DNM1: variants seen among roughly 807,000 people sequenced by gnomAD.
DNM1 encodes dynamin-1.
A neutral mutation model predicts 104.6 loss-of-function variants in DNM1; 29 were observed. The observed-to-expected ratio is 0.28, with a 90% CI of 0.21 to 0.38. The LOEUF is 0.38. Ranked by LOEUF, DNM1 falls within the 10% of genes least tolerant of loss-of-function variation. The pLI is 1.00. For missense variants in DNM1, 640 were observed against 1,189.4 expected, an observed-to-expected ratio of 0.54 and a Z score of 6.79; for synonymous variants, 445 against 475.8, an observed-to-expected ratio of 0.94 and a Z score of 0.84.
At chr9:128,233,113 G>A (rs952197067) in intron 10 of DNM1, among the ~76,000 whole-genome samples, 4 of 152,248 alleles carry the variant, frequency 2.6e-5, no homozygotes, top group Admixed American at 1.3e-4. Context: ...ACTGAGCTGA[G>A]GGCACGATTC....
intron 10 of DNM1, among the ~76,000 whole-genome samples, chr9:128,231,036 C>G (rs1374709917): frequency 6.6e-6 from 1 of 152,028 alleles, no homozygotes; most frequent in African/African-American, 2.4e-5. Flanking sequence ...CTCCTGACCT[C>G]AAGTGATCTG....
chr9:128,204,503 T>G (rs1588300400), intron 1 of DNM1: 1 of 152,260 alleles, frequency 6.6e-6, no homozygotes, highest in Non-Finnish European at 1.5e-5. Context: ...GAGGCCTAGG[T>G]GGCGGAGAGA....
rs748627087 is a variant in DNM1 at position 128,219,012 on chromosome 9, C to T, written c.386-37C>T. 6.2e-6 allele frequency: 10 copies of T among 1,609,004 alleles called. No individual in the cohort carries two copies. The South Asian group carries it at 8.8e-5, about 14-fold the overall frequency. On this transcript the variant is annotated intron_variant, in intron 3 of 21. Coordinates refer to ENST00000372923, the MANE Select transcript of DNM1 (RefSeq NM_004408.4). ...CTTTAACCTCGCCCGCGGCCACGCC[C>T]CTCGCCTTGAGCCCGCCCTCTCGCC...
chr9:128,222,137 A>G lies in DNM1; in HGVS notation c.850-60A>G. On this transcript the variant is annotated intron_variant, in intron 6 of 21. Coordinates refer to ENST00000372923, the MANE Select transcript of DNM1 (RefSeq NM_004408.4). This position sits in a 1 kb window ranked among gnomAD's most constrained non-coding sequence, Gnocchi z 7.8. ...ACGTTCACACAGTCCCCTGGCATCC[A>G]AGTCCCTTCCTGGCCCTGTGACCAT... The G allele has an allele frequency of 6.4e-7, 1 of 1,556,950 alleles. No homozygotes were observed.
Position 128,218,563 on chromosome 9 carries a change from C to G in DNM1, c.236-19C>G. Reference sequence around the variant, plus strand: ...GACCTTGATGCCTACTGCCCTTCCCCTGCCCGCTTCTGGAGCAGAATATGC... The same window carrying G: ...GACCTTGATGCCTACTGCCCTTCCCGTGCCCGCTTCTGGAGCAGAATATGC... On this transcript the variant is annotated intron_variant, in intron 2 of 21. Transcript: ENST00000372923. This position sits in a 1 kb window ranked among gnomAD's most constrained non-coding sequence, Gnocchi z 4.8. 1 of 1,601,868 alleles carries G rather than the reference C, an allele frequency of 6.2e-7. No homozygotes were observed.
intron 15 of DNM1, among the ~76,000 whole-genome samples, chr9:128,244,142 A>G (rs1288787453): frequency 8.2e-5 from 12 of 147,042 alleles, no homozygotes; most frequent in African/African-American, 2.3e-4. Context: ...GTGTGTGGGG[A>G]GGGGGCTCTA....
At position 128,239,764 on chromosome 9, in the gene DNM1, G is replaced by C; in HGVS notation, c.1530G>C (p.Lys510Asn). 6.2e-7 allele frequency: 1 copy of C among 1,613,848 alleles called. No homozygotes were observed. Among genetic ancestry groups the C allele is most frequent in the Non-Finnish European group, 8.5e-7 (1 of 1,179,914 alleles). Residue 510 changes from lysine to asparagine, a missense_variant, in exon 13 of 22, where the codon AAG (lysine) becomes AAC (asparagine). Lys to Asn is a moderately conservative substitution (Grantham distance 94). This residue lies in a region of DNM1 where 91 missense variants were observed against 256.3 expected (regional missense o/e 0.36). Coordinates refer to ENST00000372923, the MANE Select transcript of DNM1 (RefSeq NM_004408.4). ...GGAGCAACCAGATGAACAAGAAGAA[G>C]ACTTCAGGGAACCAGGTGAGTGGGG... is the stretch of plus-strand genomic sequence containing the variant. The part of the protein sequence containing the change: ...QQRSNQMNKK[K>N]TSGNQDEILV...
intron 11 of DNM1, among the ~76,000 whole-genome samples, chr9:128,237,549 G>A (rs191213928): frequency 1.3e-5 from 2 of 151,138 alleles, no homozygotes; most frequent in African/African-American, 2.4e-5. Flanking sequence ...GATTACAGGC[G>A]TGAGCCACCC....
chr9:128,203,766 C>A lies in DNM1; in HGVS notation c.161+135C>A. On this transcript the variant is annotated intron_variant, in intron 1 of 21. Coordinates refer to ENST00000372923, the MANE Select transcript of DNM1 (RefSeq NM_004408.4). The surrounding 1 kb of genome is among the most constrained non-coding windows in gnomAD (Gnocchi z 5.3). ...CGGCCGGCGCGCCCCCCACCCCCAG[C>A]CGGAGCGAGGAGGCCCTCCCCCCAC... The A allele has an allele frequency of 1.2e-6, 1 of 815,186 alleles. No homozygotes were observed. The highest frequency in any genetic ancestry group is 1.6e-6 in the Non-Finnish European group (1 of 614,180). 50.5% of individuals were successfully genotyped at this position (815,186 alleles called of 1,614,324 possible).
In DNM1 at chr9:128,222,371, C is replaced by T. The variant is rs1267760063; in HGVS notation, c.992+32C>T. 6 of 1,608,488 alleles carry T rather than the reference C, an allele frequency of 3.7e-6. No homozygotes were observed. The highest frequency in any genetic ancestry group is 5.1e-6 in the Non-Finnish European group (6 of 1,176,112). ...CTCCCCCAGCTCCTATCACTGAATC[C>T]CCGCCCCCAGCCTCTCAGCGTGGGG... On this transcript the variant is annotated intron_variant, in intron 7 of 21. Coordinates refer to ENST00000372923, the MANE Select transcript of DNM1 (RefSeq NM_004408.4). This position sits in a 1 kb window ranked among gnomAD's most constrained non-coding sequence, Gnocchi z 7.8.
At position 128,247,539 on chromosome 9, in the gene DNM1, G is replaced by A. The variant is rs1836902212; in HGVS notation, c.1893+53G>A. 2.2e-6 allele frequency: 3 copies of A among 1,385,368 alleles called. No individual in the cohort carries two copies. Among genetic ancestry groups the A allele is most frequent in the Admixed American group, 1.9e-5 (1 of 53,284 alleles). The allele number at this position is 1,385,368 out of a possible 1,614,324, so 85.8% of individuals were successfully genotyped here. On this transcript the variant is annotated intron_variant, in intron 17 of 21. Transcript: ENST00000372923. This position sits in a 1 kb window ranked among gnomAD's most constrained non-coding sequence, Gnocchi z 5.1. ...GCAAGCATGATCCTAGGGCCCCTGGGGCACCATCCTCAGTGATGCCAAGTC... is the reference window on the plus strand; with the variant it reads ...GCAAGCATGATCCTAGGGCCCCTGGAGCACCATCCTCAGTGATGCCAAGTC...
rs1835062058 is a variant in DNM1 at position 128,222,142 on chromosome 9, C to G, written c.850-55C>G. On this transcript the variant is annotated intron_variant, in intron 6 of 21. Transcript: ENST00000372923. The surrounding 1 kb of genome is among the most constrained non-coding windows in gnomAD (Gnocchi z 7.8). ...CACACAGTCCCCTGGCATCCAAGTC[C>G]CTTCCTGGCCCTGTGACCATCTGTC... The G allele has an allele frequency of 5.1e-6, 8 of 1,560,302 alleles. No homozygotes were observed. Among genetic ancestry groups the G allele is most frequent in the Non-Finnish European group, 6.9e-6 (8 of 1,151,152 alleles).
At chr9:128,242,638 T>C (rs1836443013) in intron 15 of DNM1, among the ~76,000 whole-genome samples, 1 of 152,042 alleles carries the variant, frequency 6.6e-6, no homozygotes. Context: ...CGGGCGCCTG[T>C]AATCCCAGCT....
intron 11 of DNM1, among the ~76,000 whole-genome samples, chr9:128,237,753 G>A (rs557283058): frequency 6.6e-6 from 1 of 152,182 alleles, no homozygotes; most frequent in South Asian, 2.1e-4. Context: ...TACAATTCTG[G>A]AAGTGAATAT....
chr9:128,247,921 C>T lies in DNM1; in HGVS notation c.1894-3C>T. 1 of 1,614,016 alleles carries T rather than the reference C, an allele frequency of 6.2e-7. No homozygotes were observed. The highest frequency in any genetic ancestry group is 8.5e-7 in the Non-Finnish European group (1 of 1,179,972). ...TGGCAATGTTGGTGTGTGGGCCTCC[C>T]AGGACAAAGAGAAAGTGAGTGTGCC... On this transcript the variant is annotated splice_polypyrimidine_tract_variant and splice_region_variant and intron_variant, in intron 17 of 21. Transcript: ENST00000372923. This position sits in a 1 kb window ranked among gnomAD's most constrained non-coding sequence, Gnocchi z 5.1.
rs1245713848 is a variant in DNM1 at position 128,203,455 on chromosome 9, G to A, written c.-16G>A. 4 of 1,465,996 alleles carry A rather than the reference G, an allele frequency of 2.7e-6. No homozygotes were observed. Among genetic ancestry groups the A allele is most frequent in the Middle Eastern group, 1.9e-4 (1 of 5,280 alleles). The allele number at this position is 1,465,996 out of a possible 1,614,324, so 90.8% of individuals were successfully genotyped here. A position where few individuals can be genotyped will look rare whatever the true frequency, so the allele number is the denominator to read the frequency against. On this transcript the variant is annotated 5_prime_UTR_variant, in exon 1 of 22. Coordinates refer to ENST00000372923, the MANE Select transcript of DNM1 (RefSeq NM_004408.4). The surrounding 1 kb of genome is among the most constrained non-coding windows in gnomAD (Gnocchi z 5.3). ...TAGCGGCAGCCGGATCGCAGCCTGC[G>A]GGGCCCGCCGCAGCCATGGGCAACC... is the stretch of plus-strand genomic sequence containing the variant.
chr9:128,224,512 G>A lies in DNM1; in HGVS notation c.1335+123G>A. On this transcript the variant is annotated intron_variant, in intron 10 of 21. Coordinates refer to ENST00000372923, the MANE Select transcript of DNM1 (RefSeq NM_004408.4). The surrounding 1 kb of genome is among the most constrained non-coding windows in gnomAD (Gnocchi z 4.3). The stretch of plus-strand genomic sequence containing the variant: ...CATGTACAGACCTCAGCGGGGTGGG[G>A]AGGCAGGCCACCACTGAATAGGAGA... The A allele has an allele frequency of 1.1e-6, 1 of 923,432 alleles. No individual in the cohort carries two copies. Among genetic ancestry groups the A allele is most frequent in the Non-Finnish European group, 1.6e-6 (1 of 641,616 alleles). The allele number at this position is 923,432 out of a possible 1,614,324, so 57.2% of individuals were successfully genotyped here.
Position 128,250,303 on chromosome 9 carries a change from C to T in DNM1, c.2265C>T (p.Pro755=). 6.2e-7 allele frequency: 1 copy of T among 1,609,656 alleles called. No homozygotes were observed. Among genetic ancestry groups the T allele is most frequent in the Non-Finnish European group, 8.5e-7 (1 of 1,178,160 alleles). ...INTTTVSTPM[P]PPVDDSWLQV... is the part of the protein sequence containing the mutation. Reference sequence around the variant, plus strand: ...CGACCACCGTCAGCACGCCCATGCCCCCGCCCGTGGACGACTCCTGGCTGC... The same window carrying T: ...CGACCACCGTCAGCACGCCCATGCCTCCGCCCGTGGACGACTCCTGGCTGC... The change falls in exon 20 of 22, where the codon CCC becomes CCT. Residue 755 remains proline, a synonymous_variant. Coordinates refer to ENST00000372923, the MANE Select transcript of DNM1 (RefSeq NM_004408.4).
At chr9:128,233,006 C>T (rs191892277) in intron 10 of DNM1, among the ~76,000 whole-genome samples, 2 of 152,322 alleles carry the variant, frequency 1.3e-5, no homozygotes, top group East Asian at 1.9e-4. Context: ...AGGCCCCTAA[C>T]TCAGCTCTCA....
Sources: gnomAD v4.1 joint callset for allele counts (sites outside exome capture counted in the v4.1 genomes callset) on GRCh38, gnomAD v4.1.1 for gene constraint, gnomAD v4.1.1 regional missense constraint, Gnocchi (gnomAD v3.1) non-coding constraint, MANE v1.5 for transcripts, NCBI Gene and HGNC (gene_info 2026-07-23, HGNC 2026-07-21) for gene names.